UNC13C: variants seen among roughly 807,000 people sequenced by gnomAD.
UNC13C encodes unc-13 homolog C.
A neutral mutation model predicts 245.4 loss-of-function variants in UNC13C; 174 were observed. The ratio of observed to expected loss-of-function variants is 0.71; its 90% confidence interval spans 0.63 to 0.80. The LOEUF (loss-of-function observed/expected upper bound fraction) is 0.80, where lower values mean the gene tolerates loss of function less well. Among genes scored for constraint, UNC13C ranks in the 30% least tolerant of loss-of-function variants. UNC13C has a pLI of 0.00. For synonymous variants in UNC13C, 992 were observed against 895.1 expected, an observed-to-expected ratio of 1.11 and a Z score of -1.93; for missense variants, 2,829 against 2,602.9, an observed-to-expected ratio of 1.09 and a Z score of -1.89.
chr15:53,896,348 T>C, the UNC13C span, among the ~76,000 whole-genome samples: 2 of 152,182 alleles, frequency 1.3e-5, no homozygotes, highest in African/African-American at 4.8e-5. Context: ...TTCATTGTAG[T>C]GTTAGCACTT....
At chr15:54,331,435 A>G (rs1236239826) in intron 14 of UNC13C, among the ~76,000 whole-genome samples, 2 of 152,228 alleles carry the variant, frequency 1.3e-5, no homozygotes, top group East Asian at 3.9e-4. Flanking sequence ...TGGAAGCAAC[A>G]GAAGTTTTTT....
chr15:54,439,192 A>G (rs1277457017), intron 19 of UNC13C, among the ~76,000 whole-genome samples: 1 of 152,012 alleles, frequency 6.6e-6, no homozygotes, highest in African/African-American at 2.4e-5. Context: ...TTGAAATACA[A>G]AACACTTCAC....
chr15:54,237,518 A>G (rs755751712), intron 6 of UNC13C, 101 bp from the exon 7 acceptor site: 5 of 868,764 alleles, frequency 5.8e-6, no homozygotes, highest in Non-Finnish European at 9.5e-6. Flanking sequence ...CTAAAATATG[A>G]ACAGTGATAG....
At chr15:54,438,507 T>G (rs1165035188) in intron 19 of UNC13C, among the ~76,000 whole-genome samples, 1 of 152,032 alleles carries the variant, frequency 6.6e-6, no homozygotes, top group East Asian at 1.9e-4. Context: ...TAAGGAGTCC[T>G]CTTTCTTAGT....
At chr15:53,857,389 C>T in the UNC13C span, among the ~76,000 whole-genome samples, 9 of 152,228 alleles carry the variant, frequency 5.9e-5, no homozygotes, top group South Asian at 1.2e-3. Context: ...TTAGTTTGTA[C>T]ATCTGGACTG....
chr15:54,042,679 C>T (rs560483670), intron 2 of UNC13C, among the ~76,000 whole-genome samples: 4 of 152,148 alleles, frequency 2.6e-5, no homozygotes, highest in African/African-American at 7.2e-5. Context: ...GGGTGAAACC[C>T]CGTCTCTACT....
intron 4 of UNC13C, among the ~76,000 whole-genome samples, chr15:54,147,454 C>G (rs1051382055): frequency 2.0e-5 from 3 of 152,044 alleles, no homozygotes; most frequent in Non-Finnish European, 2.9e-5. Context: ...CTCCTGACCT[C>G]GTGATCTGCC....
chr15:54,265,380 A>T lies in UNC13C; in HGVS notation c.3702A>T (p.Ala1234=), dbSNP rs1038727857. The part of the protein sequence containing the change: ...ITVVSAQGLQ[A]KDKTGSSDPY... ...TGGTTTCTGCACAGGGTCTACAGGC[A>T]AAAGATAAAACAGGGTCTAGTGATC... Residue 1234 remains alanine, a synonymous_variant, in exon 10 of 33, where the codon GCA becomes GCT. Coordinates refer to ENST00000260323, the MANE Select transcript of UNC13C (RefSeq NM_001080534.3). The T allele has an allele frequency of 1.3e-6, 2 of 1,586,110 alleles. No homozygotes were observed. Among genetic ancestry groups the T allele is most frequent in the African/African-American group, 1.3e-5 (1 of 74,650 alleles).
At chr15:53,852,760 G>C in the UNC13C span, among the ~76,000 whole-genome samples, 350 of 152,208 alleles carry the variant, frequency 2.3e-3, 2 homozygotes, top group African/African-American at 8.2e-3. Flanking sequence ...TATGAAAATA[G>C]TGTTTATTTT....
chr15:53,943,690 G>A, the UNC13C span, among the ~76,000 whole-genome samples: 1 of 151,952 alleles, frequency 6.6e-6, no homozygotes, highest in Non-Finnish European at 1.5e-5. Flanking sequence ...TCACACTTAA[G>A]TCCATGATCT....
At chr15:53,980,007 A>G (rs1255996950) in intron 1 of UNC13C, among the ~76,000 whole-genome samples, 2 of 152,170 alleles carry the variant, frequency 1.3e-5, no homozygotes, top group Non-Finnish European at 2.9e-5. Flanking sequence ...TAAAATATTT[A>G]ATAGATTTTT....
chr15:54,280,216 C>T (rs954020013), intron 10 of UNC13C, among the ~76,000 whole-genome samples: 1 of 152,006 alleles, frequency 6.6e-6, no homozygotes, highest in Middle Eastern at 3.4e-3. Flanking sequence ...AAATGTCTAT[C>T]TACTGTATAT....
chr15:54,091,285 C>T (rs1262939576), intron 2 of UNC13C, among the ~76,000 whole-genome samples: 3 of 152,164 alleles, frequency 2.0e-5, no homozygotes, highest in Non-Finnish European at 4.4e-5. Context: ...TTAACTTGTG[C>T]TGTTTCAGCT....
intron 4 of UNC13C, among the ~76,000 whole-genome samples, chr15:54,146,643 T>A (rs1450701230): frequency 6.6e-6 from 1 of 152,230 alleles, no homozygotes; most frequent in Admixed American, 6.5e-5. Flanking sequence ...GAAAGATACA[T>A]GTTTTGGTGA....
intron 19 of UNC13C, among the ~76,000 whole-genome samples, chr15:54,470,938 T>C (rs1892429958): frequency 6.6e-6 from 1 of 151,396 alleles, no homozygotes; most frequent in Non-Finnish European, 1.5e-5. Flanking sequence ...TCTCAAGATA[T>C]TTTCAAATTT....
At chr15:54,446,905 C>A (rs1890846936) in intron 19 of UNC13C, among the ~76,000 whole-genome samples, 1 of 152,138 alleles carries the variant, frequency 6.6e-6, no homozygotes, top group Non-Finnish European at 1.5e-5. Flanking sequence ...TTTGCCCATT[C>A]AGTATGATAT....
intron 19 of UNC13C, among the ~76,000 whole-genome samples, chr15:54,419,249 GGTATGTAATTA>G (rs2040586168): frequency 1.3e-5 from 2 of 152,088 alleles, no homozygotes; most frequent in Non-Finnish European, 2.9e-5. Context: ...CATCAGAGTA[GGTATGTAATTA>G]ACTGGTCAGC....
chr15:54,626,102 G>A (rs927768581), intron 32 of UNC13C, among the ~76,000 whole-genome samples: 51 of 152,130 alleles, frequency 3.4e-4, no homozygotes, highest in African/African-American at 1.2e-3. Context: ...AGAAAATCAA[G>A]AATATGAGAA....
intron 2 of UNC13C, among the ~76,000 whole-genome samples, chr15:54,080,516 C>T (rs887519502): frequency 7.2e-5 from 11 of 151,848 alleles, no homozygotes; most frequent in African/African-American, 2.4e-4. Flanking sequence ...TTAGTCTGTT[C>T]AGGATTTCAA....
Sources: gnomAD v4.1 joint callset for allele counts (sites outside exome capture counted in the v4.1 genomes callset) on GRCh38, gnomAD v4.1.1 for gene constraint, MANE v1.5 for transcripts, NCBI Gene and HGNC (gene_info 2026-07-23, HGNC 2026-07-21) for gene names.